WDR89: variants seen among roughly 807,000 people sequenced by gnomAD.
WDR89 encodes WD repeat domain 89, also known as WD repeat-containing protein 89.
A neutral mutation model predicts 29.1 loss-of-function variants in WDR89; 17 were observed. That is an observed-to-expected ratio of 0.58 (90% CI 0.40 to 0.88). The LOEUF (loss-of-function observed/expected upper bound fraction) is 0.88. WDR89 is among the 40% of genes least tolerant of loss of function. WDR89 has a pLI of 0.00. For missense variants in WDR89, 396 were observed against 456.3 expected (o/e 0.87, Z 1.20); for synonymous variants, 138 against 157.8 (o/e 0.87, Z 0.94).
At position 63,605,166 on chromosome 14, in the gene WDR89, CTATATA is replaced by C. The variant is rs112149490; in HGVS notation, c.-31-5199_-31-5194del. Among the ~76,000 whole-genome samples, 604 of 143,988 alleles carry C rather than the reference CTATATA, an allele frequency of 4.2e-3. 5 individuals are homozygous for C. The highest frequency in any genetic ancestry group is 0.015 in the African/African-American group (558 of 36,880). 94.5% of individuals were successfully genotyped at this position (143,988 alleles called of 152,430 possible). On this transcript the variant is annotated intron_variant, in intron 2 of 2. Coordinates refer to ENST00000620954, the MANE Select transcript of WDR89 (RefSeq NM_080666.4). ...ACGTGCTGTCTGTCTCTCTCTCTCT[CTATATA>C]TATATATATACACACACACACACAT...
intron 2 of WDR89, among the ~76,000 whole-genome samples, chr14:63,604,428 C>T (rs1895218469): frequency 6.6e-6 from 1 of 151,978 alleles, no homozygotes; most frequent in Admixed American, 6.6e-5. Context: ...AAAACTGACA[C>T]AAAATTTAAA....
In WDR89 at chr14:63,639,059, C is replaced by T. The variant is rs544085468; in HGVS notation, c.-138+2745G>A. ...AGTGGTATGATGATAGCATGATGTC[C>T]TGTGCAGAAAAGAGCCACAAGCCAA... On this transcript the variant is annotated intron_variant, in intron 1 of 2. Coordinates refer to ENST00000620954, the MANE Select transcript of WDR89 (RefSeq NM_080666.4). Among the ~76,000 whole-genome samples the T allele has an allele frequency of 2.1e-4, 32 of 152,214 alleles. 1 individual carries two copies. The South Asian group carries it at 4.6e-3, about 22-fold the overall frequency.
At chr14:63,618,042 G>A (rs1345364848) in intron 2 of WDR89, 1 of 152,104 alleles carries the variant, frequency 6.6e-6, no homozygotes, top group Non-Finnish European at 1.5e-5. Flanking sequence ...ATAAAACCAT[G>A]GTGCTCGCTT....
chr14:63,637,952 AT>A (rs1013382698), intron 1 of WDR89, among the ~76,000 whole-genome samples: 62 of 147,650 alleles, frequency 4.2e-4, no homozygotes, highest in East Asian at 3.3e-3. Flanking sequence ...TTACGGAAAA[AT>A]TTTTTTTTTT....
chr14:63,623,314 G>A (rs1398614587), intron 2 of WDR89, among the ~76,000 whole-genome samples: 2 of 150,012 alleles, frequency 1.3e-5, no homozygotes, highest in Admixed American at 1.3e-4. Context: ...TAGAGAAAAA[G>A]TACCCAATCA....
At chr14:63,608,205 C>T (rs1218445389) in intron 2 of WDR89, among the ~76,000 whole-genome samples, 1 of 151,896 alleles carries the variant, frequency 6.6e-6, no homozygotes, top group Admixed American at 6.6e-5. Flanking sequence ...GACTCTGCCT[C>T]AAAAACAAAA....
chr14:63,636,636 G>A (rs1041193314), intron 1 of WDR89, among the ~76,000 whole-genome samples: 9 of 152,088 alleles, frequency 5.9e-5, no homozygotes, highest in African/African-American at 1.4e-4. Context: ...ACTGATCTTC[G>A]ACAAAGCAAA....
Position 63,599,035 on chromosome 14 carries a change from A to G in WDR89, c.908T>C (p.Met303Thr). ...GGTCAGTCCTGACATGCTGCAGTTC[A>G]TCAAATGAATCCTTCCTTTGTTTGT... Reference protein sequence around the residue: ...GGTNKGRIHLMNCSMSGLTHV... With the variant: ...GGTNKGRIHLTNCSMSGLTHV... Residue 303 changes from methionine to threonine, a missense_variant, in exon 3 of 3, where the codon ATG becomes ACG. Met to Thr is a moderately conservative substitution (Grantham distance 81). Coordinates refer to ENST00000620954, the MANE Select transcript of WDR89 (RefSeq NM_080666.4). 6.2e-7 allele frequency: 1 copy of G among 1,614,226 alleles called. No homozygotes were observed. Among genetic ancestry groups the G allele is most frequent in the South Asian group, 1.1e-5 (1 of 91,086 alleles).
rs773382192 is a variant in WDR89, at chr14:63,599,743, C to T, written c.200G>A (p.Ser67Asn). The T allele has an allele frequency of 6.2e-7, 1 of 1,614,150 alleles. No homozygotes were observed. The highest frequency in any genetic ancestry group is 1.1e-5 in the South Asian group (1 of 91,082). Residue 67 changes from serine (S) to asparagine (N), a missense_variant, in exon 3 of 3, where the codon AGT (serine) becomes AAT (asparagine). Physicochemically the swap from Ser to Asn is conservative, Grantham distance 46 (BLOSUM62 1). Transcript: ENST00000620954. ...TCCATTAAGAAGTCCAGGATATCCA[C>T]TAAATTCTCGTAGTACATTTAACCT... ...KERLNVLREF[S>N]GYPGLLNGVR...
intron 2 of WDR89, among the ~76,000 whole-genome samples, chr14:63,617,572 C>G (rs1023420426): frequency 1.3e-5 from 2 of 152,032 alleles, no homozygotes; most frequent in African/African-American, 4.8e-5. Flanking sequence ...CTCACTGTAA[C>G]CTCCCAGGTT....
In WDR89 at chr14:63,599,575, A is replaced by G; in HGVS notation, c.368T>C (p.Ile123Thr). The G allele has an allele frequency of 6.2e-7, 1 of 1,614,126 alleles. No individual in the cohort carries two copies. Among genetic ancestry groups the G allele is most frequent in the Non-Finnish European group, 8.5e-7 (1 of 1,180,004 alleles). The change falls in exon 3 of 3, where the codon ATT becomes ACT. Residue 123 changes from isoleucine (I) to threonine (T), a missense_variant. By Grantham distance (89) the Ile-to-Thr change is moderately conservative. Coordinates refer to ENST00000620954, the MANE Select transcript of WDR89 (RefSeq NM_080666.4). The stretch of plus-strand genomic sequence containing the variant: ...ACAAATAATATGATCATTACAATTA[A>G]TATCAAAACTGATAAAAATATTGGA... ...YPSNIFISFD[I>T]NCNDHIICAG...
rs141361374 is a variant in WDR89 at position 63,640,460 on chromosome 14, A to T, written c.-138+1344T>A. 9.0e-4 allele frequency among the ~76,000 whole-genome samples: 137 copies of T among 152,086 alleles called. 1 individual carries two copies. Among genetic ancestry groups the T allele is most frequent in the Middle Eastern group, 3.4e-3 (1 of 294 alleles). The stretch of plus-strand genomic sequence containing the variant: ...CATTTTACCTTGGTAACAATCGATT[A>T]ATTCACTTCTAGGTGTGTTTTATTG... On this transcript the variant is annotated intron_variant, in intron 1 of 2. Coordinates refer to ENST00000620954, the MANE Select transcript of WDR89 (RefSeq NM_080666.4).
chr14:63,618,024 A>T (rs1419671938), intron 2 of WDR89: 1 of 152,228 alleles, frequency 6.6e-6, no homozygotes, highest in East Asian at 1.9e-4. Flanking sequence ...AGATGCATAC[A>T]TTTAAAAATA....
intron 2 of WDR89, among the ~76,000 whole-genome samples, chr14:63,614,001 AG>A: frequency 6.6e-6 from 1 of 152,122 alleles, no homozygotes; most frequent in African/African-American, 2.4e-5. Context: ...CCAAAGTACT[AG>A]TATATCCATT....
At chr14:63,623,197 C>CA (rs35075730) in intron 2 of WDR89, among the ~76,000 whole-genome samples, 964 of 71,646 alleles carry the variant, frequency 0.013, 13 homozygotes, top group Middle Eastern at 0.027. Context: ...AACCAGGTCT[C>CA]AAAAAAAAAA....
intron 1 of WDR89, among the ~76,000 whole-genome samples, chr14:63,627,227 T>C (rs1883133025): frequency 6.6e-6 from 1 of 151,580 alleles, no homozygotes; most frequent in Non-Finnish European, 1.5e-5. Flanking sequence ...TGGTACTATA[T>C]AATAAAACTA....
intron 2 of WDR89, among the ~76,000 whole-genome samples, chr14:63,620,475 T>C (rs117822139): frequency 0.021 from 3,267 of 152,034 alleles, 50 homozygotes; most frequent in Non-Finnish European, 0.032. Context: ...GGAGGGAGAA[T>C]CAGGGAGATG....
rs1450156782 is a variant in WDR89 at position 63,600,036 on chromosome 14, A to T, written c.-31-63T>A. ...CTTAACAAGGGAGACACATAAAAAA[A>T]TTTAACTTGAAGTTTCTCTAAAATT... is the stretch of plus-strand genomic sequence containing the variant. On this transcript the variant is annotated intron_variant, in intron 2 of 2. Transcript: ENST00000620954. 3.8e-6 allele frequency: 4 copies of T among 1,041,764 alleles called. No individual in the cohort carries two copies. The African/African-American group carries it at 6.6e-5, about 17-fold the overall frequency. The allele number at this position is 1,041,764 out of a possible 1,614,324, so 64.5% of individuals were successfully genotyped here. A position where few individuals can be genotyped will look rare whatever the true frequency, so the allele number is the denominator to read the frequency against.
intron 2 of WDR89, among the ~76,000 whole-genome samples, chr14:63,612,365 G>A (rs893227522): frequency 1.6e-4 from 24 of 147,378 alleles, no homozygotes; most frequent in African/African-American, 5.8e-4. Flanking sequence ...CTCCTCTGTC[G>A]CCCGGGCTAG....
Sources: allele counts gnomAD v4.1 joint callset (sites outside exome capture counted in the v4.1 genomes callset), GRCh38; gene constraint gnomAD v4.1.1; transcripts MANE v1.5; gene names NCBI Gene and HGNC (gene_info 2026-07-23, HGNC 2026-07-21).